The following SLC31A1 variants were observed in gnomAD, a reference collection of about 807,000 sequenced individuals.
SLC31A1 encodes the protein solute carrier family 31 member 1.
SLC31A1 carries 5 observed loss-of-function variants against 17.2 expected under a neutral mutation model. The ratio of observed to expected loss-of-function variants is 0.29; its 90% CI spans 0.15 to 0.61. The LOEUF is 0.61. Among genes scored for constraint, SLC31A1 ranks in the 20% least tolerant of loss-of-function variants. The pLI is 0.86. For missense variants in SLC31A1, 161 were observed against 241.4 expected (o/e 0.67, Z 2.21); for synonymous variants, 76 against 78.8 (o/e 0.96, Z 0.19).
rs1831824080 is a variant in SLC31A1, at chr9:113,264,023, T to G, written c.*3550T>G. On this transcript the variant is annotated 3_prime_UTR_variant, in exon 5 of 5. Transcript: ENST00000374212. The stretch of plus-strand genomic sequence containing the variant: ...TCCAGCTGCTCCTTCAAAAGATACA[T>G]CAAAAGATAGAAACTCTGGGCTGGG... 1 of 152,164 alleles carries G rather than the reference T, an allele frequency of 6.6e-6. No individual in the cohort carries two copies. Among genetic ancestry groups the G allele is most frequent in the South Asian group, 2.1e-4 (1 of 4,822 alleles). 9.4% of individuals were successfully genotyped at this position (152,164 alleles called of 1,614,324 possible).
chr9:113,226,906 C>T (rs190624682), intron 1 of SLC31A1, among the ~76,000 whole-genome samples: 56 of 152,224 alleles, frequency 3.7e-4, no homozygotes, highest in Non-Finnish European at 5.4e-4. Context: ...CTCATACACC[C>T]GCATCCTCTC....
In SLC31A1 at chr9:113,257,185, G is replaced by A; in HGVS notation, c.202G>A (p.Glu68Lys). The change falls in exon 3 of 5, where the codon GAA becomes AAA. Residue 68 changes from glutamate (E) to lysine (K), a missense_variant and splice_region_variant. By Grantham distance (56) the Glu-to-Lys change is moderately conservative. Coordinates refer to ENST00000374212, the MANE Select transcript of SLC31A1 (RefSeq NM_001859.4). ...FSGLVINTAG[E>K]MAGAFVAVFL... The stretch of plus-strand genomic sequence containing the variant: ...CGGTTTGGTGATCAATACAGCTGGA[G>A]GTGAGTAAGCCATTAGGTAGTGTTG... 6.2e-7 allele frequency: 1 copy of A among 1,613,064 alleles called. No individual in the cohort carries two copies.
At chr9:113,240,961 A>G (rs1026640522) in intron 1 of SLC31A1, among the ~76,000 whole-genome samples, 1 of 151,762 alleles carries the variant, frequency 6.6e-6, no homozygotes, top group African/African-American at 2.4e-5. Flanking sequence ...GAGGCAGGAG[A>G]ATCGCTTGAA....
At chr9:113,237,283 G>A (rs901433979) in intron 1 of SLC31A1, among the ~76,000 whole-genome samples, 1 of 152,086 alleles carries the variant, frequency 6.6e-6, no homozygotes, top group Non-Finnish European at 1.5e-5. Context: ...TCTGGAGGGG[G>A]GTAACGATTA....
At chr9:113,229,889 AC>A (rs1831383323) in intron 1 of SLC31A1, among the ~76,000 whole-genome samples, 1 of 152,224 alleles carries the variant, frequency 6.6e-6, no homozygotes, top group Non-Finnish European at 1.5e-5. Context: ...CACTAAAGTC[AC>A]CTGCATCATG....
At chr9:113,256,382 A>G (rs780644279) in intron 2 of SLC31A1, 105 bp downstream of exon 2, 8 of 1,334,962 alleles carry the variant, frequency 6.0e-6, no homozygotes, top group Non-Finnish European at 6.2e-6. Context: ...AGGTCAGTTT[A>G]CCAGTGAGGA....
At position 113,261,949 on chromosome 9, in the gene SLC31A1, G is replaced by A. The variant is rs909579882; in HGVS notation, c.*1476G>A. 6.6e-6 allele frequency: 1 copy of A among 152,652 alleles called. No homozygotes were observed. The highest frequency in any genetic ancestry group is 1.5e-5 in the Non-Finnish European group (1 of 68,052). The allele number at this position is 152,652 out of a possible 1,614,324, so 9.5% of individuals were successfully genotyped here. A position where few individuals can be genotyped will look rare whatever the true frequency, so the allele number is the denominator to read the frequency against. ...ATTCCACATTTATTGAGCTCCACCT[G>A]TGTGTATGTGTACCCAAGCACACAT... is the stretch of plus-strand genomic sequence containing the variant. On this transcript the variant is annotated 3_prime_UTR_variant, in exon 5 of 5. Coordinates refer to ENST00000374212, the MANE Select transcript of SLC31A1 (RefSeq NM_001859.4).
At position 113,260,405 on chromosome 9, in the gene SLC31A1, G is replaced by A. The variant is rs538420854; in HGVS notation, c.505G>A (p.Gly169Ser). 18 of 1,614,018 alleles carry A rather than the reference G, an allele frequency of 1.1e-5. No homozygotes were observed. Among genetic ancestry groups the A allele is most frequent in the Admixed American group, 5.0e-5 (3 of 59,996 alleles). The stretch of plus-strand genomic sequence containing the variant: ...CTGCATTGCAGTAGCAGCAGGGGCC[G>A]GTACAGGATACTTCCTCTTCAGCTG... The part of the protein sequence containing the change: ...YLCIAVAAGA[G>S]TGYFLFSWKK... Residue 169 changes from glycine to serine, a missense_variant, in exon 5 of 5, where the codon GGT becomes AGT. Transcript: ENST00000374212.
At position 113,256,142 on chromosome 9, in the gene SLC31A1, G is replaced by A. The variant is rs1831724504; in HGVS notation, c.-7G>A. The A allele has an allele frequency of 6.2e-7, 1 of 1,611,562 alleles. No individual in the cohort carries two copies. Among genetic ancestry groups the A allele is most frequent in the Non-Finnish European group, 8.5e-7 (1 of 1,179,728 alleles). Reference sequence around the variant, plus strand: ...CTTCTGCTGACTCTCAACTTTTCCTGGAAAAAATGGATCATTCCCACCATA... The same window carrying A: ...CTTCTGCTGACTCTCAACTTTTCCTAGAAAAAATGGATCATTCCCACCATA... On this transcript the variant is annotated 5_prime_UTR_variant, in exon 2 of 5. Transcript: ENST00000374212.
At position 113,261,112 on chromosome 9, in the gene SLC31A1, A is replaced by T. The variant is rs1265949769; in HGVS notation, c.*639A>T. 2 of 157,048 alleles carry T rather than the reference A, an allele frequency of 1.3e-5. No individual in the cohort carries two copies. The highest frequency in any genetic ancestry group is 1.2e-4 in the Admixed American group (2 of 16,392). The allele number at this position is 157,048 out of a possible 1,614,324, so 9.7% of individuals were successfully genotyped here. A position where few individuals can be genotyped will look rare whatever the true frequency, so the allele number is the denominator to read the frequency against. ...CCCCGTCTCTACTAAAAATACAAAA[A>T]TTAGCCGGGCATGGTGGTGGGCGCC... On this transcript the variant is annotated 3_prime_UTR_variant, in exon 5 of 5. Transcript: ENST00000374212.
At position 113,261,437 on chromosome 9, in the gene SLC31A1, G is replaced by A. The variant is rs1356462131; in HGVS notation, c.*964G>A. ...TGTATTCTTGGATGGCTGATGCATC[G>A]ACTTGCATTCCCACTTAACACTTTG... is the stretch of plus-strand genomic sequence containing the variant. On this transcript the variant is annotated 3_prime_UTR_variant, in exon 5 of 5. Transcript: ENST00000374212. 3.3e-5 allele frequency: 5 copies of A among 152,712 alleles called. No homozygotes were observed. The South Asian group carries it at 1.0e-3, about 32-fold the overall frequency. The allele number at this position is 152,712 out of a possible 1,614,324, so 9.5% of individuals were successfully genotyped here.
chr9:113,253,958 CTTTTTTTT>C (rs397967653), intron 1 of SLC31A1, among the ~76,000 whole-genome samples: 1 of 110,418 alleles, frequency 9.1e-6, no homozygotes, highest in African/African-American at 3.5e-5. Flanking sequence ...TACCCACAGT[CTTTTTTTT>C]TTTTTTTTTT....
chr9:113,223,679 A>G (rs1377171430), intron 1 of SLC31A1, among the ~76,000 whole-genome samples: 2 of 151,824 alleles, frequency 1.3e-5, no homozygotes, highest in Non-Finnish European at 2.9e-5. Context: ...TCCACCCTCC[A>G]CTCCCCTTAC....
At chr9:113,233,642 C>G (rs1384094974) in intron 1 of SLC31A1, among the ~76,000 whole-genome samples, 2 of 152,218 alleles carry the variant, frequency 1.3e-5, no homozygotes, top group Admixed American at 1.3e-4. Flanking sequence ...GTATTAAATT[C>G]AGTGTTAACC....
intron 1 of SLC31A1, among the ~76,000 whole-genome samples, chr9:113,249,367 A>G (rs965921382): frequency 7.6e-6 from 1 of 131,310 alleles, no homozygotes; most frequent in African/African-American, 2.8e-5. Flanking sequence ...TTTTTTTTTT[A>G]TTTTTTTATT....
intron 2 of SLC31A1, chr9:113,256,558 A>G: frequency 3.1e-6 from 1 of 322,774 alleles, no homozygotes; most frequent in East Asian, 6.6e-5. Flanking sequence ...CCTTGGGTGG[A>G]AAAGAGAAAA....
chr9:113,230,985 C>T (rs1194593406), intron 1 of SLC31A1, among the ~76,000 whole-genome samples: 1 of 152,104 alleles, frequency 6.6e-6, no homozygotes, highest in African/African-American at 2.4e-5. Flanking sequence ...TTCCCTATAG[C>T]CTCTGGGGCA....
intron 1 of SLC31A1, among the ~76,000 whole-genome samples, chr9:113,244,467 A>G (rs554011247): frequency 1.5e-4 from 23 of 152,198 alleles, no homozygotes; most frequent in Admixed American, 3.3e-4. Context: ...GGGAAGGTAT[A>G]TGGTGAAGAA....
intron 1 of SLC31A1, among the ~76,000 whole-genome samples, chr9:113,241,181 G>A (rs995355697): frequency 1.3e-5 from 2 of 152,114 alleles, no homozygotes; most frequent in Admixed American, 1.3e-4. Context: ...ATGCCACATA[G>A]TGAGCTTAAA....
Sources: gnomAD v4.1 joint callset for allele counts (sites outside exome capture counted in the v4.1 genomes callset) on GRCh38, gnomAD v4.1.1 for gene constraint, MANE v1.5 for transcripts, NCBI Gene and HGNC (gene_info 2026-07-23, HGNC 2026-07-21) for gene names.